IRF2: variants seen among roughly 807,000 people sequenced by gnomAD.
IRF2 encodes the protein interferon regulatory factor 2.
IRF2 carries 15 observed loss-of-function variants against 40.6 expected under a neutral mutation model. The observed-to-expected ratio is 0.37, with a 90% confidence interval of 0.25 to 0.57. IRF2 has a LOEUF of 0.57. Ranked by LOEUF, IRF2 falls within the 20% of genes least tolerant of loss-of-function variation. The pLI is 0.77. For missense variants in IRF2, 317 were observed against 455.7 expected (o/e 0.70, Z 2.77); for synonymous variants, 151 against 165.5 (o/e 0.91, Z 0.67).
At chr4:184,444,613 A>T (rs1738435881) in intron 1 of IRF2, among the ~76,000 whole-genome samples, 2 of 152,220 alleles carry the variant, frequency 1.3e-5, no homozygotes, top group African/African-American at 4.8e-5. Context: ...TAACCCAAAT[A>T]CCAGACAGTG....
At chr4:184,415,321 G>A (rs546317967) in intron 5 of IRF2, among the ~76,000 whole-genome samples, 2 of 152,312 alleles carry the variant, frequency 1.3e-5, no homozygotes, top group Non-Finnish European at 2.9e-5. Flanking sequence ...AAACACACTT[G>A]GCTGAGGTGG....
At chr4:184,461,755 C>G (rs1220437982) in intron 1 of IRF2, among the ~76,000 whole-genome samples, 1 of 108,334 alleles carries the variant, frequency 9.2e-6, no homozygotes. Flanking sequence ...AAACAAAAAT[C>G]GCAATGCATT....
At position 184,388,572 on chromosome 4, in the gene IRF2, G is replaced by A; in HGVS notation, c.*186C>T. ...GCTCTAGAAACACACGTCTACCAAT[G>A]GGCTGGAGTCCTGAGTTAAAGAGAA... On this transcript the variant is annotated 3_prime_UTR_variant, in exon 9 of 9. Coordinates refer to ENST00000393593, the MANE Select transcript of IRF2 (RefSeq NM_002199.4). The surrounding 1 kb of genome is among the most constrained non-coding windows in gnomAD (Gnocchi z 4.6). The A allele has an allele frequency of 1.7e-6, 1 of 599,632 alleles. No homozygotes were observed. 37.1% of individuals were successfully genotyped at this position (599,632 alleles called of 1,614,324 possible).
chr4:184,458,823 AC>A (rs1739033902), intron 1 of IRF2, among the ~76,000 whole-genome samples: 1 of 152,238 alleles, frequency 6.6e-6, no homozygotes, highest in South Asian at 2.1e-4. Flanking sequence ...TTGCTTCCAT[AC>A]AGTTGTGATA....
chr4:184,471,378 G>A (rs1739508331), intron 1 of IRF2, among the ~76,000 whole-genome samples: 2 of 152,160 alleles, frequency 1.3e-5, no homozygotes, highest in Admixed American at 1.3e-4. Flanking sequence ...TGTCAGTTGA[G>A]TATACAGAGG....
intron 5 of IRF2, among the ~76,000 whole-genome samples, chr4:184,417,212 A>G (rs2149899571): frequency 6.6e-6 from 1 of 152,308 alleles, no homozygotes; most frequent in South Asian, 2.1e-4. Flanking sequence ...CTATGGGGTA[A>G]ATTTTACTCA....
chr4:184,407,357 T>C, intron 6 of IRF2: 1 of 726,648 alleles, frequency 1.4e-6, no homozygotes, highest in Non-Finnish European at 2.0e-6. Flanking sequence ...TGAGGTCTTT[T>C]GGGCACTATT....
At chr4:184,403,991 G>T (rs1011608041) in intron 6 of IRF2, among the ~76,000 whole-genome samples, 2 of 152,148 alleles carry the variant, frequency 1.3e-5, no homozygotes, top group African/African-American at 4.8e-5. Context: ...GAACCGGTTT[G>T]CTTCTTTAAA....
intron 6 of IRF2, among the ~76,000 whole-genome samples, chr4:184,400,373 C>CT (rs1202719719): frequency 6.6e-6 from 1 of 152,130 alleles, no homozygotes; most frequent in African/African-American, 2.4e-5. Context: ...CAGAGTCACC[C>CT]AAGTTGTTGT....
intron 1 of IRF2, among the ~76,000 whole-genome samples, chr4:184,452,797 GGAAA>G (rs1427319724): frequency 2.2e-5 from 2 of 91,494 alleles, no homozygotes; most frequent in African/African-American, 8.1e-5. Flanking sequence ...AAAAAAAAAG[GGAAA>G]GAAAGAAAGA....
At chr4:184,428,220 G>C (rs1282539394) in intron 2 of IRF2, among the ~76,000 whole-genome samples, 1 of 152,130 alleles carries the variant, frequency 6.6e-6, no homozygotes, top group Non-Finnish European at 1.5e-5. Flanking sequence ...GAGGTAAAAA[G>C]AAGGCTTTTT....
chr4:184,468,407 A>C (rs1739404781), intron 1 of IRF2, among the ~76,000 whole-genome samples: 1 of 152,194 alleles, frequency 6.6e-6, no homozygotes. Context: ...GAATCACTTT[A>C]ACCCAGGAGG....
At chr4:184,437,604 C>T (rs1241746640) in intron 1 of IRF2, among the ~76,000 whole-genome samples, 2 of 152,210 alleles carry the variant, frequency 1.3e-5, no homozygotes, top group Admixed American at 6.5e-5. Context: ...AAGTCACCCA[C>T]GCCTCTAGAT....
At chr4:184,406,374 C>A (rs923055737) in intron 6 of IRF2, among the ~76,000 whole-genome samples, 7 of 151,966 alleles carry the variant, frequency 4.6e-5, no homozygotes, top group African/African-American at 1.7e-4. Context: ...GGACTACAGG[C>A]ACCTGCCACC....
intron 2 of IRF2, among the ~76,000 whole-genome samples, chr4:184,425,018 C>T (rs529280976): frequency 2.0e-5 from 3 of 152,366 alleles, no homozygotes; most frequent in Admixed American, 6.5e-5. Flanking sequence ...TGGCCCTGAG[C>T]ATGCAGACAT....
chr4:184,394,179 C>T (rs1353803300), intron 7 of IRF2, among the ~76,000 whole-genome samples: 5 of 151,830 alleles, frequency 3.3e-5, no homozygotes, highest in Admixed American at 6.6e-5. Context: ...TTCACTTAAC[C>T]TTTCTGGTCT....
intron 3 of IRF2, 52 bp from the exon 4 acceptor site, chr4:184,418,760 G>T: frequency 6.7e-7 from 1 of 1,494,480 alleles, no homozygotes; most frequent in Non-Finnish European, 9.2e-7. Flanking sequence ...TAGATACAGA[G>T]GAAGGAATTT....
chr4:184,437,790 G>C (rs1265726582), intron 1 of IRF2, among the ~76,000 whole-genome samples: 1 of 137,252 alleles, frequency 7.3e-6, no homozygotes, highest in Non-Finnish European at 1.5e-5. Context: ...AGGTGAGCTA[G>C]AACTACTGCT....
At chr4:184,398,885 C>T (rs576581600) in intron 7 of IRF2, 30 bp downstream of exon 7, 30 of 1,554,290 alleles carry the variant, frequency 1.9e-5, no homozygotes, top group Middle Eastern at 2.0e-4. Flanking sequence ...CCGGTTCCCA[C>T]GCCTCCCGGA....
Sources: allele counts gnomAD v4.1 joint callset (sites outside exome capture counted in the v4.1 genomes callset), GRCh38; gene constraint gnomAD v4.1.1; non-coding constraint Gnocchi (gnomAD v3.1); transcripts MANE v1.5; gene names NCBI Gene and HGNC (gene_info 2026-07-23, HGNC 2026-07-21).